EHBP1: variants seen among roughly 807,000 people sequenced by gnomAD.
The protein encoded by EHBP1 is EH domain-binding protein 1.
Under a neutral mutation model 144.0 loss-of-function variants are expected in EHBP1, and 55 were observed. The observed-to-expected ratio is 0.38, with a 90% CI of 0.31 to 0.48. The LOEUF (loss-of-function observed/expected upper bound fraction) is 0.48. EHBP1 is among the 20% of genes least tolerant of loss of function. The pLI, the probability that EHBP1 is intolerant of heterozygous loss-of-function variation, is 0.98. For synonymous variants in EHBP1, 469 were observed against 472.7 expected (o/e 0.99, Z 0.10); for missense variants, 1,200 against 1,364.2 (o/e 0.88, Z 1.90).
At chr2:62,966,824 T>C (rs2058267970) in intron 14 of EHBP1, among the ~76,000 whole-genome samples, 1 of 152,202 alleles carries the variant, frequency 6.6e-6, no homozygotes, top group East Asian at 1.9e-4. Context: ...CCCTAACTTT[T>C]GACATTTCAA....
intron 2 of EHBP1, among the ~76,000 whole-genome samples, chr2:62,729,442 A>T (rs1183807642): frequency 8.4e-6 from 1 of 119,592 alleles, no homozygotes; most frequent in Non-Finnish European, 1.6e-5. Flanking sequence ...AATAATAAAT[A>T]TAATAATAAA....
chr2:62,937,415 G>T (rs949605426), intron 10 of EHBP1, among the ~76,000 whole-genome samples: 1 of 152,192 alleles, frequency 6.6e-6, no homozygotes, highest in Non-Finnish European at 1.5e-5. Context: ...TCTTAACTTT[G>T]TGGGGCATAA....
chr2:62,909,475 C>G (rs2054039937), intron 10 of EHBP1, among the ~76,000 whole-genome samples: 1 of 152,198 alleles, frequency 6.6e-6, no homozygotes, highest in South Asian at 2.1e-4. Flanking sequence ...AGCCACCATG[C>G]TCTGCTAAGC....
intron 1 of EHBP1, among the ~76,000 whole-genome samples, chr2:62,689,641 A>T (rs1572869153): frequency 6.6e-6 from 1 of 152,324 alleles, no homozygotes; most frequent in South Asian, 2.1e-4. Context: ...ACTCTAGCCT[A>T]GGCAACAGAG....
chr2:62,851,490 C>T (rs1006128589), intron 7 of EHBP1, among the ~76,000 whole-genome samples: 7 of 152,206 alleles, frequency 4.6e-5, no homozygotes, highest in African/African-American at 1.7e-4. Flanking sequence ...ATACATCTCT[C>T]TTTCAGTTAG....
intron 14 of EHBP1, among the ~76,000 whole-genome samples, chr2:62,957,683 T>A (rs2057778612): frequency 7.9e-6 from 1 of 126,692 alleles, no homozygotes; most frequent in African/African-American, 3.2e-5. Flanking sequence ...TCTCGCCATG[T>A]CACCCAGGCT....
intron 1 of EHBP1, among the ~76,000 whole-genome samples, chr2:62,697,270 A>C (rs1273203005): frequency 1.3e-5 from 2 of 152,264 alleles, no homozygotes; most frequent in Non-Finnish European, 2.9e-5. Context: ...AATAATGTAA[A>C]TACTACAATT....
intron 14 of EHBP1, among the ~76,000 whole-genome samples, chr2:62,956,430 G>A (rs1366849203): frequency 6.6e-6 from 1 of 152,104 alleles, no homozygotes; most frequent in Non-Finnish European, 1.5e-5. Context: ...TGCCAGGTTG[G>A]TCACCTTGTT....
At chr2:62,719,552 G>A (rs1352762611) in intron 2 of EHBP1, among the ~76,000 whole-genome samples, 4 of 152,128 alleles carry the variant, frequency 2.6e-5, no homozygotes, top group African/African-American at 9.7e-5. Context: ...AGCATCTGTT[G>A]GAAACCACAC....
chr2:62,681,818 C>G lies in EHBP1; in HGVS notation c.-296+7735C>G, dbSNP rs74936098. Among the ~76,000 whole-genome samples, 4 of 152,086 alleles carry G rather than the reference C, an allele frequency of 2.6e-5. No homozygotes were observed. In the East Asian group the frequency reaches 7.7e-4, roughly 29 times the overall value. ...GCCAGGGTAAGGAAGGAGTGAAGCACCTGAGTGTATTTATCCCAGAGAAAA... is the reference window on the plus strand; with the variant it reads ...GCCAGGGTAAGGAAGGAGTGAAGCAGCTGAGTGTATTTATCCCAGAGAAAA... On this transcript the variant is annotated intron_variant, in intron 1 of 22. Transcript: ENST00000405015.
At chr2:62,692,398 A>C (rs2151748115) in intron 1 of EHBP1, among the ~76,000 whole-genome samples, 1 of 152,316 alleles carries the variant, frequency 6.6e-6, no homozygotes, top group Non-Finnish European at 1.5e-5. Flanking sequence ...TTTACCTAGG[A>C]GTGGTATCAC....
chr2:62,676,727 C>A (rs903708504), intron 1 of EHBP1, among the ~76,000 whole-genome samples: 7 of 151,840 alleles, frequency 4.6e-5, no homozygotes, highest in African/African-American at 1.5e-4. Flanking sequence ...TTTTAAAGGG[C>A]CTTCGCCGGT....
At chr2:62,939,300 A>G (rs977515383) in intron 10 of EHBP1, among the ~76,000 whole-genome samples, 4 of 152,064 alleles carry the variant, frequency 2.6e-5, no homozygotes, top group African/African-American at 9.7e-5. Flanking sequence ...CTTGAGATGG[A>G]GTCTCGCTCT....
At chr2:62,926,230 A>G (rs1382097213) in intron 10 of EHBP1, among the ~76,000 whole-genome samples, 1 of 152,142 alleles carries the variant, frequency 6.6e-6, no homozygotes, top group East Asian at 1.9e-4. Flanking sequence ...AAATGGATCA[A>G]AGACTTAAAT....
intron 10 of EHBP1, among the ~76,000 whole-genome samples, chr2:62,921,937 G>T (rs1366097950): frequency 1.3e-5 from 2 of 152,228 alleles, no homozygotes; most frequent in Non-Finnish European, 2.9e-5. Context: ...AGCACTTCGG[G>T]AGGCTGAGAC....
At chr2:62,962,653 T>G (rs1321364129) in intron 14 of EHBP1, among the ~76,000 whole-genome samples, 2 of 152,208 alleles carry the variant, frequency 1.3e-5, no homozygotes. Context: ...TTTAACAGAA[T>G]AAAATCTATT....
intron 1 of EHBP1, among the ~76,000 whole-genome samples, chr2:62,679,843 T>G (rs937234737): frequency 1.3e-5 from 2 of 152,196 alleles, no homozygotes; most frequent in Non-Finnish European, 2.9e-5. Context: ...GCCAAGTGTT[T>G]AGAGGCCTGG....
At chr2:62,921,840 T>C (rs1166248397) in intron 10 of EHBP1, among the ~76,000 whole-genome samples, 1 of 152,206 alleles carries the variant, frequency 6.6e-6, no homozygotes, top group Non-Finnish European at 1.5e-5. Context: ...TTTATGTATG[T>C]ATACTTTATT....
intron 13 of EHBP1, among the ~76,000 whole-genome samples, chr2:62,953,946 C>A (rs947783963): frequency 6.6e-6 from 1 of 152,058 alleles, no homozygotes; most frequent in Admixed American, 6.6e-5. Context: ...AAAGATGATC[C>A]CTCATTTCAA....
Sources: allele counts gnomAD v4.1 joint callset (sites outside exome capture counted in the v4.1 genomes callset), GRCh38; gene constraint gnomAD v4.1.1; transcripts MANE v1.5; gene names NCBI Gene and HGNC (gene_info 2026-07-23, HGNC 2026-07-21).